Variants in SYCP2 observed in about 807,000 individuals in gnomAD.
SYCP2 encodes the protein synaptonemal complex lateral element protein.
Under a neutral mutation model 211.3 loss-of-function variants are expected in SYCP2, and 55 were observed. The ratio of observed to expected loss-of-function variants is 0.26; its 90% confidence interval spans 0.21 to 0.33. The LOEUF is 0.33. Among genes scored for constraint, SYCP2 ranks in the 10% least tolerant of loss-of-function variants. SYCP2 has a pLI of 1.00. For synonymous variants in SYCP2, 570 were observed against 555.2 expected, an observed-to-expected ratio of 1.03 and a Z score of -0.37; for missense variants, 1,731 against 1,752.0, an observed-to-expected ratio of 0.99 and a Z score of 0.21.
At chr20:59,882,574 T>A (rs866168116) in intron 26 of SYCP2, among the ~76,000 whole-genome samples, 5 of 152,144 alleles carry the variant, frequency 3.3e-5, no homozygotes, top group African/African-American at 1.2e-4. Flanking sequence ...AGTATGTGTA[T>A]ATACAACGAA....
intron 33 of SYCP2, among the ~76,000 whole-genome samples, chr20:59,877,160 A>AAAAAC (rs2059576818): frequency 1.3e-5 from 2 of 152,214 alleles, no homozygotes; most frequent in African/African-American, 2.4e-5. Flanking sequence ...ATCAAGTTAT[A>AAAAAC]ATTTCACTAG....
Position 59,875,422 on chromosome 20 carries a change from T to C in SYCP2, c.3198A>G (p.Lys1066=), listed in dbSNP as rs1245416816. The C allele has an allele frequency of 1.9e-6, 3 of 1,612,856 alleles. No individual in the cohort carries two copies. Among genetic ancestry groups the C allele is most frequent in the Non-Finnish European group, 2.5e-6 (3 of 1,179,450 alleles). The part of the protein sequence containing the change: ...SRMKTVKLPK[K]QQKVFCAETE... ...TTTCAGCACAGAAGACTTTCTGTTG[T>C]TTCTTTGGTAGCTTTACCGTTTTCA... The change falls in exon 34 of 45, where the codon AAA becomes AAG. Residue 1066 remains lysine (K), a synonymous_variant. Transcript: ENST00000357552.
chr20:59,866,294 A>G lies in SYCP2; in HGVS notation c.4319T>C (p.Val1440Ala), dbSNP rs748724138. 6 of 1,575,664 alleles carry G rather than the reference A, an allele frequency of 3.8e-6. No individual in the cohort carries two copies. Among genetic ancestry groups the G allele is most frequent in the Non-Finnish European group, 5.2e-6 (6 of 1,163,346 alleles). The change falls in exon 41 of 45, where the codon GTG (valine) becomes GCG (alanine). Residue 1440 changes from valine to alanine, a missense_variant and splice_region_variant. Physicochemically the swap from Val to Ala is moderately conservative, Grantham distance 64. This residue lies in a region of SYCP2 where 1,387 missense variants were observed against 1,351.3 expected (regional missense o/e 1.03). Transcript: ENST00000357552. ...QSLKDLEKEF[V>A]DFWEKIFQKF... Reference sequence around the variant, plus strand: ...TAAAAAATTTTTAAAGTAACAAACCACAAATTCCTTTTCCAAATCTTTTAA... The same window carrying G: ...TAAAAAATTTTTAAAGTAACAAACCGCAAATTCCTTTTCCAAATCTTTTAA...
chr20:59,921,348 T>C lies in SYCP2; in HGVS notation c.130A>G (p.Lys44Glu), dbSNP rs148070270. 23 of 1,607,710 alleles carry C rather than the reference T, an allele frequency of 1.4e-5. No homozygotes were observed. In the African/African-American group the frequency reaches 2.5e-4, roughly 18 times the overall value. Residue 44 changes from lysine to glutamate, a missense_variant, in exon 4 of 45, where the codon AAA (lysine) becomes GAA (glutamate). Lys to Glu is a moderately conservative substitution (Grantham distance 56). Coordinates refer to ENST00000357552, the MANE Select transcript of SYCP2 (RefSeq NM_014258.4). ...TTGTCCACCTTGTGGAAAAACTGTT[T>C]GCTGCATTTAATCTTCACATCTTCA... ...ICEDVKIKCS[K>E]QFFHKVDNLI...
intron 4 of SYCP2, 64 bp from the exon 5 acceptor site, chr20:59,920,551 C>A: frequency 2.3e-6 from 3 of 1,295,172 alleles, no homozygotes; most frequent in South Asian, 2.6e-5. Flanking sequence ...AGACATTGTA[C>A]AAGGAGTGTT....
At chr20:59,885,566 G>C (rs1190996647) in intron 26 of SYCP2, among the ~76,000 whole-genome samples, 1 of 151,756 alleles carries the variant, frequency 6.6e-6, no homozygotes, top group Non-Finnish European at 1.5e-5. Flanking sequence ...AAGAGTAAAG[G>C]TTTTTTTTAA....
intron 10 of SYCP2, 54 bp from the exon 11 acceptor site, chr20:59,914,305 A>G (rs1314323529): frequency 9.2e-7 from 1 of 1,084,922 alleles, no homozygotes; most frequent in African/African-American, 1.6e-5. Flanking sequence ...TAAGTTTATA[A>G]AAGACCATAT....
At position 59,922,431 on chromosome 20, in the gene SYCP2, A is replaced by G. The variant is rs759029090; in HGVS notation, c.-18T>C. On this transcript the variant is annotated 5_prime_UTR_variant, in exon 3 of 45. Coordinates refer to ENST00000357552, the MANE Select transcript of SYCP2 (RefSeq NM_014258.4). Reference sequence around the variant, plus strand: ...ATTGGCATTTTGACTTCATTTAAAAAAAAAAAAAAAGCAAGACAAAATAAA... The same window carrying G: ...ATTGGCATTTTGACTTCATTTAAAAGAAAAAAAAAAGCAAGACAAAATAAA... 1 of 1,556,376 alleles carries G rather than the reference A, an allele frequency of 6.4e-7. No homozygotes were observed. The highest frequency in any genetic ancestry group is 1.4e-5 in the African/African-American group (1 of 71,692).
intron 26 of SYCP2, among the ~76,000 whole-genome samples, chr20:59,885,457 C>A (rs2059767934): frequency 6.6e-6 from 1 of 152,026 alleles, no homozygotes; most frequent in Non-Finnish European, 1.5e-5. Context: ...TCAAGAAGAA[C>A]TTACAGAGGG....
rs752679466 is a variant in SYCP2, at chr20:59,866,410, T to C, written c.4221-18A>G. ...TTTTAATCCTATTACAGAAACAAAA[T>C]GAGATTAATTTTAAAAACTGTAGCA... On this transcript the variant is annotated intron_variant, in intron 40 of 44. Coordinates refer to ENST00000357552, the MANE Select transcript of SYCP2 (RefSeq NM_014258.4). 6 of 1,557,698 alleles carry C rather than the reference T, an allele frequency of 3.9e-6. No individual in the cohort carries two copies. The East Asian group carries it at 1.4e-4, about 35-fold the overall frequency.
chr20:59,907,533 C>T (rs562463183), intron 14 of SYCP2, 109 bp from the exon 15 acceptor site: 1 of 792,616 alleles, frequency 1.3e-6, no homozygotes, highest in Non-Finnish European at 2.1e-6. Flanking sequence ...TTGCTAGTCA[C>T]TAAGTAACTA....
At chr20:59,876,528 A>G (rs2059564434) in intron 33 of SYCP2, among the ~76,000 whole-genome samples, 1 of 151,768 alleles carries the variant, frequency 6.6e-6, no homozygotes, top group South Asian at 2.1e-4. Context: ...AGCACACTGT[A>G]CTGTTCAGAA....
At chr20:59,891,659 T>C (rs192110979) in intron 24 of SYCP2, among the ~76,000 whole-genome samples, 81 of 151,932 alleles carry the variant, frequency 5.3e-4, no homozygotes, top group African/African-American at 1.9e-3. Context: ...AAACCATTTA[T>C]TAAAAAGAAA....
At chr20:59,885,856 G>C in intron 26 of SYCP2, 72 bp downstream of exon 26, 5 of 1,111,144 alleles carry the variant, frequency 4.5e-6, no homozygotes, top group Non-Finnish European at 6.7e-6. Context: ...TTACCACTAT[G>C]CTATTTTAGT....
intron 35 of SYCP2, among the ~76,000 whole-genome samples, chr20:59,870,574 C>G (rs6015591): frequency 0.69 from 105,273 of 151,628 alleles, 38,330 homozygotes; most frequent in African/African-American, 0.92. Flanking sequence ...AGAGAGAAAT[C>G]ATGTGTAGAT....
intron 44 of SYCP2, 48 bp from the exon 45 acceptor site, chr20:59,864,436 G>A (rs752023512): frequency 7.9e-7 from 1 of 1,266,522 alleles, no homozygotes; most frequent in Admixed American, 2.3e-5. Flanking sequence ...CATTTTCGCT[G>A]TAAAACCACC....
At position 59,878,035 on chromosome 20, in the gene SYCP2, C is replaced by A. The variant is rs1221993719; in HGVS notation, c.2952G>T (p.Leu984Phe). The change falls in exon 32 of 45, where the codon TTG (leucine) becomes TTT (phenylalanine). Residue 984 changes from leucine to phenylalanine, a missense_variant. This residue lies in a region of SYCP2 where 1,387 missense variants were observed against 1,351.3 expected (regional missense o/e 1.03). Transcript: ENST00000357552. ...TTTTAGAGCTTGGCTGTCCCTTTTC[C>A]AAGGATGATCCTGTAATTCAGAAAA... ...NHKSGKSRSS[L>F]EKGQPSSKMT... The A allele has an allele frequency of 1.2e-6, 2 of 1,604,198 alleles. No homozygotes were observed. The highest frequency in any genetic ancestry group is 1.1e-5 in the South Asian group (1 of 89,576).
In SYCP2 at chr20:59,896,473, G is replaced by T; in HGVS notation, c.1460C>A (p.Ala487Glu). The T allele has an allele frequency of 6.2e-7, 1 of 1,610,130 alleles. No individual in the cohort carries two copies. Among genetic ancestry groups the T allele is most frequent in the Non-Finnish European group, 8.5e-7 (1 of 1,177,532 alleles). ...MSEASMIVSG[A>E]DRYTMRSPVL... ...TGGACTTCTCATAGTGTATCTATCT[G>T]CACCAGAAACAATCATTGATGCTTC... Residue 487 changes from alanine (A) to glutamate (E), a missense_variant, in exon 19 of 45, where the codon GCA becomes GAA. Transcript: ENST00000357552.
Position 59,868,430 on chromosome 20 carries a change from T to A in SYCP2, c.3971A>T (p.Asp1324Val). 1.2e-6 allele frequency: 2 copies of A among 1,610,562 alleles called. No individual in the cohort carries two copies. The highest frequency in any genetic ancestry group is 2.2e-5 in the South Asian group (2 of 90,730). ...CTACCTACTTTTGTGGATATGATGA[T>A]CTGCATCTTCAATTTTACACAGTTT... ...PKKLCKIEDA[D>V]HHIHKMSESV... Residue 1324 changes from aspartate to valine, a missense_variant, in exon 38 of 45, where the codon GAT becomes GTT. Coordinates refer to ENST00000357552, the MANE Select transcript of SYCP2 (RefSeq NM_014258.4).
Sources: allele counts gnomAD v4.1 joint callset (sites outside exome capture counted in the v4.1 genomes callset), GRCh38; gene constraint gnomAD v4.1.1; regional missense constraint gnomAD v4.1.1; transcripts MANE v1.5; gene names NCBI Gene and HGNC (gene_info 2026-07-23, HGNC 2026-07-21).